FAT2: variants seen among roughly 807,000 people sequenced by gnomAD.
The protein encoded by FAT2 is FAT atypical cadherin 2, also known as protocadherin Fat 2.
In FAT2, 150 loss-of-function variants were observed where a neutral mutation model predicts 295.3. The ratio of observed to expected loss-of-function variants is 0.51; its 90% CI spans 0.44 to 0.58. The LOEUF (loss-of-function observed/expected upper bound fraction) is 0.58. FAT2 is among the 20% of genes least tolerant of loss of function. FAT2 has a pLI of 0.00. For synonymous variants in FAT2, 2,026 were observed against 2,150.3 expected, an observed-to-expected ratio of 0.94 and a Z score of 1.60; for missense variants, 4,868 against 5,442.7, an observed-to-expected ratio of 0.89 and a Z score of 3.32.
chr5:151,532,245 T>C (rs1022315972), intron 13 of FAT2, among the ~76,000 whole-genome samples: 1 of 152,206 alleles, frequency 6.6e-6, no homozygotes, highest in Non-Finnish European at 1.5e-5. Flanking sequence ...CTAATATCAG[T>C]TTATTAATGA....
At position 151,528,005 on chromosome 5, in the gene FAT2, G is replaced by C. The variant is rs902415160; in HGVS notation, c.10155C>G (p.Asp3385Glu). 2.5e-6 allele frequency: 4 copies of C among 1,614,098 alleles called. No homozygotes were observed. The highest frequency in any genetic ancestry group is 3.4e-6 in the Non-Finnish European group (4 of 1,180,032). ...KGELQVAKAL[D>E]REQASSYSLK... ...CTCCCACATGACTCACCTGTTCCCG[G>C]TCCAGGGCCTTGGCCACCTGTAGCT... Residue 3385 changes from aspartate (D) to glutamate (E), a missense_variant, in exon 16 of 24, where the codon GAC becomes GAG. Asp to Glu is a conservative substitution (Grantham distance 45, BLOSUM62 2). Transcript: ENST00000261800.
Position 151,505,359 on chromosome 5 carries a change from T to C in FAT2, c.*206A>G. On this transcript the variant is annotated 3_prime_UTR_variant, in exon 24 of 24. Coordinates refer to ENST00000261800, the MANE Select transcript of FAT2 (RefSeq NM_001447.3). Reference sequence around the variant, plus strand: ...TGCCCCTCTCCTGGGACCCTAGTGCTGTTTCTGGAGCTCTATCCTCAGCTT... The same window carrying C: ...TGCCCCTCTCCTGGGACCCTAGTGCCGTTTCTGGAGCTCTATCCTCAGCTT... The C allele has an allele frequency of 1.6e-6, 1 of 629,168 alleles. No individual in the cohort carries two copies. Among genetic ancestry groups the C allele is most frequent in the Non-Finnish European group, 2.7e-6 (1 of 366,400 alleles). 39.0% of individuals were successfully genotyped at this position (629,168 alleles called of 1,614,324 possible).
At chr5:151,554,884 A>C (rs1246873077) in intron 4 of FAT2, among the ~76,000 whole-genome samples, 1 of 152,276 alleles carries the variant, frequency 6.6e-6, no homozygotes, top group African/African-American at 2.4e-5. Context: ...AAGAACTGGA[A>C]GAAGACAGAG....
chr5:151,509,014 C>G (rs114457186), intron 22 of FAT2, among the ~76,000 whole-genome samples: 1,863 of 152,220 alleles, frequency 0.012, 40 homozygotes, highest in African/African-American at 0.042. Flanking sequence ...AGATAATTGT[C>G]AAAGTCTCTT....
chr5:151,582,251 A>C (rs1332142568), intron 1 of FAT2, among the ~76,000 whole-genome samples: 1 of 152,182 alleles, frequency 6.6e-6, no homozygotes, highest in Non-Finnish European at 1.5e-5. Context: ...TGTGTTCAAC[A>C]TTCAAGCCCC....
At chr5:151,529,009 T>C (rs1754313626) in intron 15 of FAT2, among the ~76,000 whole-genome samples, 169 bp downstream of exon 15, 1 of 152,144 alleles carries the variant, frequency 6.6e-6, no homozygotes, top group African/African-American at 2.4e-5. Flanking sequence ...GGCCGAGCAT[T>C]GTTTGGCCAT....
chr5:151,575,933 T>C (rs1252327046), intron 1 of FAT2, among the ~76,000 whole-genome samples: 1 of 152,214 alleles, frequency 6.6e-6, no homozygotes, highest in East Asian at 1.9e-4. Flanking sequence ...TTTATCTTAT[T>C]TTAATTCATT....
intron 18 of FAT2, 56 bp from the exon 19 acceptor site, chr5:151,522,142 C>T (rs777471664): frequency 2.9e-6 from 4 of 1,387,262 alleles, no homozygotes; most frequent in East Asian, 2.5e-5. Context: ...CTCTTGCGCC[C>T]GACTGAGGCT....
intron 1 of FAT2, among the ~76,000 whole-genome samples, chr5:151,580,599 GCA>G (rs139927067): frequency 6.6e-6 from 1 of 151,914 alleles, no homozygotes; most frequent in South Asian, 2.1e-4. Flanking sequence ...ACGCGTGCTC[GCA>G]CACACACACA....
intron 2 of FAT2, among the ~76,000 whole-genome samples, chr5:151,565,402 T>G (rs1226572668): frequency 2.6e-5 from 4 of 152,036 alleles, no homozygotes; most frequent in African/African-American, 9.7e-5. Flanking sequence ...AAATTTTATA[T>G]AAAAAATTTA....
At chr5:151,549,608 A>G in intron 8 of FAT2, 103 bp from the exon 9 acceptor site, 1 of 825,218 alleles carries the variant, frequency 1.2e-6, no homozygotes. Flanking sequence ...AAATATGCCC[A>G]ATTGTAACTA....
chr5:151,573,954 C>T (rs1329775085), intron 1 of FAT2, among the ~76,000 whole-genome samples: 1 of 152,160 alleles, frequency 6.6e-6, no homozygotes, highest in East Asian at 1.9e-4. Context: ...GGAGCATATT[C>T]TACTGTAGGA....
chr5:151,581,329 A>G (rs1758948455), intron 1 of FAT2, among the ~76,000 whole-genome samples: 1 of 152,142 alleles, frequency 6.6e-6, no homozygotes, highest in Non-Finnish European at 1.5e-5. Context: ...GAAGATGACA[A>G]TCCAGGGACC....
At chr5:151,537,704 T>C in intron 12 of FAT2, 89 bp downstream of exon 12, 1 of 1,333,522 alleles carries the variant, frequency 7.5e-7, no homozygotes, top group Non-Finnish European at 1.0e-6. Flanking sequence ...TGAATTCCTG[T>C]TTCTTCTCCA....
rs1760739689 is a variant in FAT2, at chr5:151,505,115, G to A, written c.*450C>T. 7.9e-6 allele frequency: 2 copies of A among 252,778 alleles called. No individual in the cohort carries two copies. Among genetic ancestry groups the A allele is most frequent in the South Asian group, 9.1e-5 (2 of 22,078 alleles). 15.7% of individuals were successfully genotyped at this position (252,778 alleles called of 1,614,324 possible). A position where few individuals can be genotyped will look rare whatever the true frequency, so the allele number is the denominator to read the frequency against. On this transcript the variant is annotated 3_prime_UTR_variant, in exon 24 of 24. Coordinates refer to ENST00000261800, the MANE Select transcript of FAT2 (RefSeq NM_001447.3). ...CCACGCAGCCCTCTAGAGCTCCTCT[G>A]TACGGCCCGCGTAGTGGTTGTCTGT...
chr5:151,542,755 T>C lies in FAT2; in HGVS notation c.8372A>G (p.Asn2791Ser), dbSNP rs1231721601. The C allele has an allele frequency of 1.9e-6, 3 of 1,614,100 alleles. No homozygotes were observed. The highest frequency in any genetic ancestry group is 1.7e-6 in the Non-Finnish European group (2 of 1,180,048). ...AGCCTCAAATACAGGCCTATTGTCA[T>C]TGACGTCTCCCACTTGGATGTTGAC... ...VSVNIQVGDV[N>S]DNRPVFEADP... The change falls in exon 10 of 24, where the codon AAT becomes AGT. Residue 2791 changes from asparagine (N) to serine (S), a missense_variant. Asn to Ser is a conservative substitution (Grantham distance 46, BLOSUM62 1). Transcript: ENST00000261800.
intron 4 of FAT2, among the ~76,000 whole-genome samples, chr5:151,554,999 G>C (rs78668868): frequency 2.2e-3 from 332 of 152,312 alleles, no homozygotes; most frequent in African/African-American, 7.6e-3. Context: ...CATAATTTTA[G>C]TTCTCTGGTT....
At position 151,512,439 on chromosome 5, in the gene FAT2, C is replaced by T; in HGVS notation, c.11631G>A (p.Val3877=). The T allele has an allele frequency of 6.2e-7, 1 of 1,614,232 alleles. No individual in the cohort carries two copies. Among genetic ancestry groups the T allele is most frequent in the African/African-American group, 1.3e-5 (1 of 75,050 alleles). Reference sequence around the variant, plus strand: ...TCAGACCACGGCAGTTCTCTGGGACCACAAGGGAGGTGTTGCCCATGCTGT... The same window carrying T: ...TCAGACCACGGCAGTTCTCTGGGACTACAAGGGAGGTGTTGCCCATGCTGT... ...MVDSMGNTSL[V]VPENCRGLRP... is the part of the protein sequence containing the mutation. The change falls in exon 21 of 24, where the codon GTG becomes GTA. Residue 3877 remains valine, a synonymous_variant. Coordinates refer to ENST00000261800, the MANE Select transcript of FAT2 (RefSeq NM_001447.3). The surrounding 1 kb of genome is among the most constrained non-coding windows in gnomAD (Gnocchi z 4.1).
chr5:151,565,661 C>CCCCCCCCCCA lies in FAT2; in HGVS notation c.3259+11_3259+12insTGGGGGGGGG. On this transcript the variant is annotated intron_variant, in intron 2 of 23. Coordinates refer to ENST00000261800, the MANE Select transcript of FAT2 (RefSeq NM_001447.3). The stretch of plus-strand genomic sequence containing the variant: ...CTGGCCCTGGCACCCCACCCTACCC[C>CCCCCCCCCCA]ACCCCCAGTACCTGTATCTTGGTTG... The CCCCCCCCCCA allele has an allele frequency of 6.5e-7, 1 of 1,550,278 alleles. No individual in the cohort carries two copies. The highest frequency in any genetic ancestry group is 8.8e-7 in the Non-Finnish European group (1 of 1,142,580).
Sources: allele counts gnomAD v4.1 joint callset (sites outside exome capture counted in the v4.1 genomes callset), GRCh38; gene constraint gnomAD v4.1.1; non-coding constraint Gnocchi (gnomAD v3.1); transcripts MANE v1.5; gene names NCBI Gene and HGNC (gene_info 2026-07-23, HGNC 2026-07-21).